RASA3: variants seen among roughly 807,000 people sequenced by gnomAD.
RASA3 encodes the protein ras GTPase-activating protein 3.
Under a neutral mutation model 110.0 loss-of-function variants are expected in RASA3, and 73 were observed. The observed-to-expected ratio is 0.66, with a 90% confidence interval of 0.55 to 0.81. The LOEUF (loss-of-function observed/expected upper bound fraction) is 0.81. Ranked by LOEUF, RASA3 falls within the 30% of genes least tolerant of loss-of-function variation. The pLI, the probability that RASA3 is intolerant of heterozygous loss-of-function variation, is 0.00. For missense variants in RASA3, 976 were observed against 1,113.2 expected (o/e 0.88, Z 1.75); for synonymous variants, 500 against 451.4 (o/e 1.11, Z -1.37).
chr13:114,013,634 C>CCATCTCTTTG, intron 14 of RASA3, among the ~76,000 whole-genome samples: 1 of 148,568 alleles, frequency 6.7e-6, no homozygotes, highest in Admixed American at 6.7e-5. Flanking sequence ...GTCTCTCTCT[C>CCATCTCTTTG]TCTCCATCTC....
chr13:114,112,103 C>CG lies in RASA3; in HGVS notation c.55+20331_55+20332insC, dbSNP rs1045576549. Among the ~76,000 whole-genome samples the CG allele has an allele frequency of 6.6e-6, 1 of 151,816 alleles. No individual in the cohort carries two copies. Among genetic ancestry groups the CG allele is most frequent in the Non-Finnish European group, 1.5e-5 (1 of 67,956 alleles). On this transcript the variant is annotated intron_variant, in intron 1 of 23. Coordinates refer to ENST00000334062, the MANE Select transcript of RASA3 (RefSeq NM_007368.4). This position sits in a 1 kb window ranked among gnomAD's most constrained non-coding sequence, Gnocchi z 4.8. ...TGGAAACAGCAGCCCCCAGGCACCC[C>CG]CCCCAGCAACTGGGACAAGGGCACA... is the stretch of plus-strand genomic sequence containing the variant.
chr13:114,015,481 C>T, intron 13 of RASA3, 149 bp from the exon 14 acceptor site: 1 of 953,890 alleles, frequency 1.0e-6, no homozygotes, highest in Non-Finnish European at 1.5e-6. Context: ...AACAGCCACT[C>T]CCTGGAAATC....
intron 1 of RASA3, among the ~76,000 whole-genome samples, chr13:114,108,228 C>T (rs1174589601): frequency 9.4e-4 from 112 of 119,270 alleles, no homozygotes; most frequent in Non-Finnish European, 1.7e-3. Context: ...TCTGTCACCC[C>T]GCGTCTGTCA....
rs2053337615 is a variant in RASA3 at position 113,999,676 on chromosome 13, G to A, written c.1850-9C>T. The A allele has an allele frequency of 1.9e-6, 3 of 1,611,562 alleles. 1 individual carries two copies. The highest frequency in any genetic ancestry group is 3.3e-5 in the Admixed American group (2 of 59,910). The stretch of plus-strand genomic sequence containing the variant: ...GTAGAGAGGCTGGTCCCCTGCAGCA[G>A]AGATGGACTGTCAGTGGGTGCGGGC... On this transcript the variant is annotated splice_polypyrimidine_tract_variant and intron_variant, in intron 19 of 23. Transcript: ENST00000334062.
chr13:114,122,239 A>G (rs2080388563), intron 1 of RASA3, among the ~76,000 whole-genome samples: 2 of 152,146 alleles, frequency 1.3e-5, no homozygotes, highest in African/African-American at 2.4e-5. Flanking sequence ...TGAGCTTGGC[A>G]CCTACAGACT....
intron 23 of RASA3, among the ~76,000 whole-genome samples, chr13:113,981,039 C>A (rs1194588599): frequency 6.6e-6 from 1 of 152,326 alleles, no homozygotes; most frequent in African/African-American, 2.4e-5. Flanking sequence ...TGGGTACCCA[C>A]TGGATGGAGA....
Position 114,012,278 on chromosome 13 carries a change from C to T in RASA3, c.1512+864G>A, listed in dbSNP as rs560751600. 8.6e-5 allele frequency among the ~76,000 whole-genome samples: 13 copies of T among 152,000 alleles called. No homozygotes were observed. The East Asian group carries it at 2.1e-3, about 25-fold the overall frequency. ...AAATAGGTCGGTGAACCACCTGCAA[C>T]GAGGACGTTCCAGGACCCAGCGCAT... On this transcript the variant is annotated intron_variant, in intron 15 of 23. Transcript: ENST00000334062.
chr13:114,056,100 G>A lies in RASA3; in HGVS notation c.174-3945C>T, dbSNP rs1347630994. Among the ~76,000 whole-genome samples, 1 of 152,192 alleles carries A rather than the reference G, an allele frequency of 6.6e-6. No individual in the cohort carries two copies. Among genetic ancestry groups the A allele is most frequent in the Non-Finnish European group, 1.5e-5 (1 of 67,986 alleles). On this transcript the variant is annotated intron_variant, in intron 2 of 23. Coordinates refer to ENST00000334062, the MANE Select transcript of RASA3 (RefSeq NM_007368.4). This position sits in a 1 kb window ranked among gnomAD's most constrained non-coding sequence, Gnocchi z 5.7. ...CGTTTCCCGAGAGCCCCCCGCCCCCGCACAGGCACTGAGGACCCCACCACA... is the reference window on the plus strand; with the variant it reads ...CGTTTCCCGAGAGCCCCCCGCCCCCACACAGGCACTGAGGACCCCACCACA...
At position 114,053,468 on chromosome 13, in the gene RASA3, C is replaced by T. The variant is rs78734878; in HGVS notation, c.174-1313G>A. Among the ~76,000 whole-genome samples, 638 of 152,354 alleles carry T rather than the reference C, an allele frequency of 4.2e-3. 6 individuals are homozygous for T. The highest frequency in any genetic ancestry group is 0.015 in the African/African-American group (609 of 41,564). The stretch of plus-strand genomic sequence containing the variant: ...AACTTAAAACAAGCCCACTTTCATG[C>T]ACATTGATGCTAAGGTCCAAAATAG... On this transcript the variant is annotated intron_variant, in intron 2 of 23. Coordinates refer to ENST00000334062, the MANE Select transcript of RASA3 (RefSeq NM_007368.4).
At chr13:114,015,154 C>T in intron 14 of RASA3, 55 bp downstream of exon 14, 1 of 1,603,828 alleles carries the variant, frequency 6.2e-7, no homozygotes, top group Non-Finnish European at 8.5e-7. Flanking sequence ...TGGGAGTCAC[C>T]CTGCACAGCG....
chr13:113,980,517 C>T (rs538832569), intron 23 of RASA3, among the ~76,000 whole-genome samples: 11 of 150,900 alleles, frequency 7.3e-5, no homozygotes, highest in South Asian at 2.1e-4. Context: ...ATGTGTGCCT[C>T]GTGTGCGCCT....
At position 114,112,099 on chromosome 13, in the gene RASA3, A is replaced by ACG. The variant is rs1555343906; in HGVS notation, c.55+20335_55+20336insCG. On this transcript the variant is annotated intron_variant, in intron 1 of 23. Coordinates refer to ENST00000334062, the MANE Select transcript of RASA3 (RefSeq NM_007368.4). This position sits in a 1 kb window ranked among gnomAD's most constrained non-coding sequence, Gnocchi z 4.8. The stretch of plus-strand genomic sequence containing the variant: ...TCCCTGGAAACAGCAGCCCCCAGGC[A>ACG]CCCCCCCCAGCAACTGGGACAAGGG... Among the ~76,000 whole-genome samples, 1 of 149,176 alleles carries ACG rather than the reference A, an allele frequency of 6.7e-6. No homozygotes were observed. The highest frequency in any genetic ancestry group is 6.7e-5 in the Admixed American group (1 of 15,006).
At chr13:114,031,670 T>C (rs1402700186) in intron 4 of RASA3, among the ~76,000 whole-genome samples, 1 of 152,222 alleles carries the variant, frequency 6.6e-6, no homozygotes, top group East Asian at 1.9e-4. Flanking sequence ...TACCTGTGTG[T>C]GCCGCTGTCC....
chr13:114,031,443 G>A (rs1031539396), intron 4 of RASA3, among the ~76,000 whole-genome samples: 1 of 150,570 alleles, frequency 6.6e-6, no homozygotes, highest in Admixed American at 6.6e-5. Flanking sequence ...CTCTGTGTGT[G>A]TCTACCTGTC....
intron 21 of RASA3, among the ~76,000 whole-genome samples, chr13:113,994,202 G>A (rs1335690441): frequency 6.6e-6 from 1 of 152,106 alleles, no homozygotes; most frequent in Non-Finnish European, 1.5e-5. Context: ...AAAAGAAGTG[G>A]GTTTCTGCTA....
At chr13:114,010,205 G>A (rs1370994850) in intron 16 of RASA3, among the ~76,000 whole-genome samples, 1 of 152,124 alleles carries the variant, frequency 6.6e-6, no homozygotes, top group Non-Finnish European at 1.5e-5. Flanking sequence ...TGCCCCAAGC[G>A]GGCTGCTCCT....
chr13:114,014,937 C>G lies in RASA3; in HGVS notation c.1405+272G>C, dbSNP rs1315821750. 6.6e-6 allele frequency among the ~76,000 whole-genome samples: 1 copy of G among 152,072 alleles called. No individual in the cohort carries two copies. Among genetic ancestry groups the G allele is most frequent in the Admixed American group, 6.5e-5 (1 of 15,272 alleles). ...CTCCAGGGCTGGGCCCCTCTAGAGA[C>G]CACTGCGGTGGTGATCTCCAGGGCT... On this transcript the variant is annotated intron_variant, in intron 14 of 23. Coordinates refer to ENST00000334062, the MANE Select transcript of RASA3 (RefSeq NM_007368.4). The surrounding 1 kb of genome is among the most constrained non-coding windows in gnomAD (Gnocchi z 4.5).
In RASA3 at chr13:114,053,574, C is replaced by T. The variant is rs372358616; in HGVS notation, c.174-1419G>A. Among the ~76,000 whole-genome samples the T allele has an allele frequency of 7.6e-4, 116 of 151,888 alleles. 2 individuals are homozygous for T. The South Asian group carries it at 0.019, about 25-fold the overall frequency. Reference sequence around the variant, plus strand: ...AACGTGCTGGGCCAGGGGGCGTCCACACAGTCACCAACGGCACAGGCCCCA... The same window carrying T: ...AACGTGCTGGGCCAGGGGGCGTCCATACAGTCACCAACGGCACAGGCCCCA... On this transcript the variant is annotated intron_variant, in intron 2 of 23. Transcript: ENST00000334062.
chr13:114,048,187 C>T lies in RASA3; in HGVS notation c.277+3865G>A, dbSNP rs1291425169. ...AAAATTAGCCGGGCGTGGTGGCGGG[C>T]GCCTGTAGTCCCAGCTACTCGGGAA... is the stretch of plus-strand genomic sequence containing the variant. On this transcript the variant is annotated intron_variant, in intron 3 of 23. Coordinates refer to ENST00000334062, the MANE Select transcript of RASA3 (RefSeq NM_007368.4). This position sits in a 1 kb window ranked among gnomAD's most constrained non-coding sequence, Gnocchi z 4.3. 3.9e-5 allele frequency among the ~76,000 whole-genome samples: 6 copies of T among 151,914 alleles called. No homozygotes were observed. Among genetic ancestry groups the T allele is most frequent in the Non-Finnish European group, 7.4e-5 (5 of 67,982 alleles).
Sources: gnomAD v4.1 joint callset for allele counts (sites outside exome capture counted in the v4.1 genomes callset) on GRCh38, gnomAD v4.1.1 for gene constraint, Gnocchi (gnomAD v3.1) non-coding constraint, MANE v1.5 for transcripts, NCBI Gene and HGNC (gene_info 2026-07-23, HGNC 2026-07-21) for gene names.